Variants in PGM2 observed in about 807,000 individuals in gnomAD.
PGM2 encodes phosphoglucomutase 2.
Under a neutral mutation model 74.6 loss-of-function variants are expected in PGM2, and 57 were observed. The observed-to-expected ratio is 0.76, with a 90% CI of 0.62 to 0.95. The LOEUF is 0.95. PGM2 is among the 40% of genes least tolerant of loss of function. The pLI is 0.00. For missense variants in PGM2, 706 were observed against 741.9 expected, an observed-to-expected ratio of 0.95 and a Z score of 0.56; for synonymous variants, 273 against 260.7, an observed-to-expected ratio of 1.05 and a Z score of -0.46.
At chr4:37,857,081 G>GA (rs1193457200) in intron 13 of PGM2, among the ~76,000 whole-genome samples, 1 of 152,128 alleles carries the variant, frequency 6.6e-6, no homozygotes, top group Non-Finnish European at 1.5e-5. Context: ...AGACAAAGTA[G>GA]ATTTTAATAC....
chr4:37,844,207 G>C (rs968730411), intron 6 of PGM2, among the ~76,000 whole-genome samples, 157 bp from the exon 7 acceptor site: 3 of 122,020 alleles, frequency 2.5e-5, no homozygotes, highest in Non-Finnish European at 4.1e-5. Context: ...TATGTTGAGG[G>C]AAGGAATATA....
intron 6 of PGM2, 65 bp from the exon 7 acceptor site, chr4:37,844,299 A>C (rs1467627909): frequency 9.7e-7 from 1 of 1,030,684 alleles, no homozygotes; most frequent in African/African-American, 1.6e-5. Context: ...CATTCTTGCA[A>C]ACCTTGCAGT....
chr4:37,858,335 G>C (rs1460803821), intron 13 of PGM2, among the ~76,000 whole-genome samples: 1 of 144,180 alleles, frequency 6.9e-6, no homozygotes, highest in Non-Finnish European at 1.5e-5. Flanking sequence ...AGTTTTTTTT[G>C]TTTTGTTTTT....
At chr4:37,849,598 G>A (rs1463811957) in intron 11 of PGM2, among the ~76,000 whole-genome samples, 1 of 151,452 alleles carries the variant, frequency 6.6e-6, no homozygotes, top group African/African-American at 2.4e-5. Flanking sequence ...AGTAGAGTTA[G>A]GGGTTTCACC....
intron 7 of PGM2, 79 bp from the exon 8 acceptor site, chr4:37,845,554 A>T: frequency 1.0e-6 from 1 of 962,834 alleles, no homozygotes; most frequent in Non-Finnish European, 1.7e-6. Flanking sequence ...TTGAGTTCTT[A>T]AGGAACTGAA....
rs528053339 is a variant in PGM2 at position 37,829,185 on chromosome 4, CA to C, written c.82-769del. 1.4e-3 allele frequency among the ~76,000 whole-genome samples: 202 copies of C among 146,360 alleles called. 3 individuals carry two copies. Among genetic ancestry groups the C allele is most frequent in the Admixed American group, 2.3e-3 (34 of 14,798 alleles). Reference sequence around the variant, plus strand: ...CATAACATTTTCTGCAACTACCATACAAAAAAAAAATAGGGCAATGTATAAT... The same window carrying C: ...CATAACATTTTCTGCAACTACCATACAAAAAAAAATAGGGCAATGTATAAT... On this transcript the variant is annotated intron_variant, in intron 1 of 13. Transcript: ENST00000381967.
chr4:37,833,249 C>T (rs1725481006), intron 2 of PGM2, among the ~76,000 whole-genome samples: 1 of 152,274 alleles, frequency 6.6e-6, no homozygotes, highest in African/African-American at 2.4e-5. Context: ...TGATGTATCC[C>T]CTCCTACCCA....
chr4:37,838,742 T>C lies in PGM2; in HGVS notation c.442-1106T>C, dbSNP rs3775794. On this transcript the variant is annotated intron_variant, in intron 4 of 13. Transcript: ENST00000381967. ...GTATTCAAGCATCCTAATTACCTTC[T>C]GTACTAAGTGTTAATAGCTATTAAT... is the stretch of plus-strand genomic sequence containing the variant. 2.5e-4 allele frequency among the ~76,000 whole-genome samples: 38 copies of C among 152,354 alleles called. 1 individual carries two copies. The East Asian group carries it at 7.3e-3, about 29-fold the overall frequency.
intron 8 of PGM2, among the ~76,000 whole-genome samples, chr4:37,846,060 G>A (rs1725861503): frequency 6.6e-6 from 1 of 152,148 alleles, no homozygotes; most frequent in Non-Finnish European, 1.5e-5. Flanking sequence ...AAGCACTTTG[G>A]TGCTAGCTGT....
intron 12 of PGM2, 152 bp downstream of exon 12, chr4:37,850,525 A>G: frequency 1.9e-6 from 1 of 514,494 alleles, no homozygotes; most frequent in Non-Finnish European, 3.3e-6. Flanking sequence ...TGGAAGCCGG[A>G]TGTGGTGGCT....
intron 13 of PGM2, among the ~76,000 whole-genome samples, chr4:37,856,796 T>C (rs958326198): frequency 1.3e-5 from 2 of 152,188 alleles, no homozygotes; most frequent in African/African-American, 4.8e-5. Context: ...ACAGATGCAA[T>C]TTTGATTTTC....
intron 12 of PGM2, among the ~76,000 whole-genome samples, chr4:37,851,390 G>A (rs999351052): frequency 1.3e-5 from 2 of 152,202 alleles, no homozygotes; most frequent in African/African-American, 4.8e-5. Flanking sequence ...TGGAGCTGTT[G>A]GCTGTAAAGC....
At chr4:37,857,170 C>T (rs1277312270) in intron 13 of PGM2, among the ~76,000 whole-genome samples, 2 of 152,132 alleles carry the variant, frequency 1.3e-5, no homozygotes, top group Admixed American at 1.3e-4. Flanking sequence ...ATTAACTGAA[C>T]TTCATAAAAT....
chr4:37,857,174 A>T (rs1224908899), intron 13 of PGM2, among the ~76,000 whole-genome samples: 2 of 152,220 alleles, frequency 1.3e-5, no homozygotes, highest in Non-Finnish European at 1.5e-5. Flanking sequence ...ACTGAACTTC[A>T]TAAAATTAAA....
intron 3 of PGM2, 39 bp downstream of exon 3, chr4:37,834,763 T>C (rs778419009): frequency 1.0e-6 from 1 of 1,000,340 alleles, no homozygotes; most frequent in East Asian, 2.5e-5. Context: ...TTTTATAATT[T>C]ATTTTGCAGT....
At position 37,844,558 on chromosome 4, in the gene PGM2, C is replaced by T. The variant is rs201221632; in HGVS notation, c.909+5C>T. On this transcript the variant is annotated splice_donor_5th_base_variant and intron_variant, in intron 7 of 13. Transcript: ENST00000381967. ...GAAGAGGGGAAAGGTGTCTTGGTAA[C>T]CTAATTTTTTTTTAAATTATGAAAT... is the stretch of plus-strand genomic sequence containing the variant. 1 of 1,565,084 alleles carries T rather than the reference C, an allele frequency of 6.4e-7. No homozygotes were observed. Among genetic ancestry groups the T allele is most frequent in the Admixed American group, 1.9e-5 (1 of 51,540 alleles).
chr4:37,831,207 A>AG (rs1725434958), intron 2 of PGM2, among the ~76,000 whole-genome samples: 1 of 151,432 alleles, frequency 6.6e-6, no homozygotes, highest in African/African-American at 2.4e-5. Context: ...AAAAAAAAAA[A>AG]AAAAAAGAAT....
intron 13 of PGM2, among the ~76,000 whole-genome samples, chr4:37,860,968 T>A (rs1365963078): frequency 6.6e-6 from 1 of 152,172 alleles, no homozygotes; most frequent in East Asian, 1.9e-4. Flanking sequence ...GATTTCTTGG[T>A]GTTTGACTCC....
chr4:37,837,048 G>A (rs1221622912), intron 3 of PGM2, among the ~76,000 whole-genome samples: 3 of 152,182 alleles, frequency 2.0e-5, no homozygotes, highest in African/African-American at 7.2e-5. Flanking sequence ...ATCTTTTGTT[G>A]TGGTTGTAGG....
Sources: allele counts gnomAD v4.1 joint callset (sites outside exome capture counted in the v4.1 genomes callset), GRCh38; gene constraint gnomAD v4.1.1; transcripts MANE v1.5; gene names NCBI Gene and HGNC (gene_info 2026-07-23, HGNC 2026-07-21).